TTC27: variants seen among roughly 807,000 people sequenced by gnomAD.
TTC27 encodes the protein tetratricopeptide repeat protein 27.
Under a neutral mutation model 115.9 loss-of-function variants are expected in TTC27, and 79 were observed. That is an observed-to-expected ratio of 0.68 (90% CI 0.57 to 0.82). The LOEUF (loss-of-function observed/expected upper bound fraction) is 0.82. TTC27 is among the 40% of genes least tolerant of loss of function. The pLI, the probability that TTC27 is intolerant of heterozygous loss-of-function variation, is 0.00. For missense variants in TTC27, 1,054 were observed against 993.1 expected (o/e 1.06, Z -0.82); for synonymous variants, 401 against 356.0 (o/e 1.13, Z -1.42).
chr2:32,746,303 G>A (rs138225778), intron 12 of TTC27, among the ~76,000 whole-genome samples: 2,250 of 151,554 alleles, frequency 0.015, 43 homozygotes, highest in African/African-American at 0.045. Context: ...GGCTCACGCC[G>A]GTAATCCCAA....
chr2:32,679,719 G>A (rs1666349606), intron 9 of TTC27, among the ~76,000 whole-genome samples: 1 of 152,128 alleles, frequency 6.6e-6, no homozygotes, highest in African/African-American at 2.4e-5. Context: ...GTGGTTGGGC[G>A]AGGTGGCTCA....
chr2:32,741,273 A>G (rs1036521090), intron 12 of TTC27, among the ~76,000 whole-genome samples: 3 of 152,042 alleles, frequency 2.0e-5, no homozygotes, highest in Non-Finnish European at 4.4e-5. Context: ...CTCCTATGGC[A>G]CCCAAACTAC....
intron 13 of TTC27, among the ~76,000 whole-genome samples, chr2:32,764,417 A>T (rs545287770): frequency 1.3e-3 from 198 of 152,348 alleles, no homozygotes; most frequent in South Asian, 5.0e-3. Flanking sequence ...CAAAAATCAT[A>T]AATACCTTAA....
intron 5 of TTC27, among the ~76,000 whole-genome samples, chr2:32,663,584 G>A (rs1419519134): frequency 6.6e-6 from 1 of 152,128 alleles, no homozygotes; most frequent in Non-Finnish European, 1.5e-5. Context: ...ATTTCGCTGG[G>A]AGCTGGAGAC....
Position 32,644,828 on chromosome 2 carries a change from C to T in TTC27, c.537+4418C>T, listed in dbSNP as rs575482155. Among the ~76,000 whole-genome samples the T allele has an allele frequency of 2.0e-5, 3 of 147,484 alleles. No individual in the cohort carries two copies. In the South Asian group the frequency reaches 6.5e-4, roughly 32 times the overall value. On this transcript the variant is annotated intron_variant, in intron 4 of 19. Transcript: ENST00000317907. ...TTTTCCCTCCCTCCCTCCCTCCCTCCTTTCCTTCGTTCCTTCCTTTCTTCT... is the reference window on the plus strand; with the variant it reads ...TTTTCCCTCCCTCCCTCCCTCCCTCTTTTCCTTCGTTCCTTCCTTTCTTCT...
chr2:32,689,559 A>G (rs1666747636), intron 9 of TTC27, among the ~76,000 whole-genome samples: 1 of 152,178 alleles, frequency 6.6e-6, no homozygotes, highest in Non-Finnish European at 1.5e-5. Context: ...AGCAAAATCA[A>G]GCTAGTTTTC....
At chr2:32,733,805 G>A in intron 10 of TTC27, 23 bp from the exon 11 acceptor site, 1 of 1,476,972 alleles carries the variant, frequency 6.8e-7, no homozygotes, top group Non-Finnish European at 9.4e-7. Flanking sequence ...TATAGATTCT[G>A]ATTGTGATAT....
intron 14 of TTC27, among the ~76,000 whole-genome samples, chr2:32,779,840 G>GTCC (rs34397390): frequency 0.092 from 14,037 of 152,078 alleles, 750 homozygotes; most frequent in Middle Eastern, 0.23. Context: ...TAAGGAAGGG[G>GTCC]TCCAACTTCA....
chr2:32,741,651 A>AAGC (rs1201284007), intron 12 of TTC27, among the ~76,000 whole-genome samples: 1 of 82,054 alleles, frequency 1.2e-5, no homozygotes, highest in East Asian at 4.4e-4. Context: ...GAATCCAATA[A>AAGC]AAAAAACAAA....
At chr2:32,729,837 A>T (rs145711858) in intron 10 of TTC27, among the ~76,000 whole-genome samples, 2 of 152,046 alleles carry the variant, frequency 1.3e-5, no homozygotes, top group Non-Finnish European at 2.9e-5. Flanking sequence ...CATTTTTGAC[A>T]TTATCATCTT....
intron 8 of TTC27, 39 bp from the exon 9 acceptor site, chr2:32,678,817 C>A (rs950135978): frequency 1.4e-6 from 2 of 1,430,516 alleles, no homozygotes; most frequent in Non-Finnish European, 2.0e-6. Flanking sequence ...CTACAACATG[C>A]ATCTTATAAT....
chr2:32,817,874 G>T (rs564875568), intron 19 of TTC27, among the ~76,000 whole-genome samples: 12 of 152,218 alleles, frequency 7.9e-5, no homozygotes, highest in African/African-American at 2.9e-4. Context: ...TGGCCAACAT[G>T]GTGAAACCCC....
At position 32,820,945 on chromosome 2, in the gene TTC27, T is replaced by A. The variant is rs1468122534; in HGVS notation, c.*7T>A. The A allele has an allele frequency of 6.8e-7, 1 of 1,478,778 alleles. No individual in the cohort carries two copies. Among genetic ancestry groups the A allele is most frequent in the Non-Finnish European group, 9.0e-7 (1 of 1,106,298 alleles). 91.6% of individuals were successfully genotyped at this position (1,478,778 alleles called of 1,614,324 possible). ...GTTTCGAAATCAGTATTGATTCTGC[T>A]GGAAGCAGATTCTGGAAAAGGTGCT... is the stretch of plus-strand genomic sequence containing the variant. On this transcript the variant is annotated 3_prime_UTR_variant, in exon 20 of 20. Transcript: ENST00000317907.
intron 10 of TTC27, among the ~76,000 whole-genome samples, chr2:32,710,490 G>C (rs192522396): frequency 6.8e-6 from 1 of 147,572 alleles, no homozygotes; most frequent in Non-Finnish European, 1.5e-5. Context: ...GTGCAGTGGC[G>C]TGATCTCAGC....
chr2:32,707,344 C>T (rs917678244), intron 10 of TTC27, among the ~76,000 whole-genome samples: 1 of 152,150 alleles, frequency 6.6e-6, no homozygotes, highest in Admixed American at 6.5e-5. Context: ...CCTTTTATAA[C>T]AAAGCCACTT....
At chr2:32,678,571 G>A (rs1027999144) in intron 8 of TTC27, among the ~76,000 whole-genome samples, 5 of 152,012 alleles carry the variant, frequency 3.3e-5, no homozygotes, top group Non-Finnish European at 7.4e-5. Context: ...GGGACTACAG[G>A]TACTTGCCAC....
In TTC27 at chr2:32,758,245, A is replaced by G. The variant is rs187681713; in HGVS notation, c.1453-47A>G. 2.2e-4 allele frequency: 334 copies of G among 1,523,884 alleles called. 1 individual carries two copies. The African/African-American group carries it at 4.2e-3, about 19-fold the overall frequency. The allele number at this position is 1,523,884 out of a possible 1,614,324, so 94.4% of individuals were successfully genotyped here. On this transcript the variant is annotated intron_variant, in intron 12 of 19. Coordinates refer to ENST00000317907, the MANE Select transcript of TTC27 (RefSeq NM_017735.5). ...ATGTATATGTGCTAAAAAAAAAAAT[A>G]GCAGTTAATCACTCTTAAGCAATTT...
chr2:32,783,425 GC>G (rs1357652514), intron 15 of TTC27, among the ~76,000 whole-genome samples: 1 of 152,188 alleles, frequency 6.6e-6, no homozygotes, highest in Admixed American at 6.5e-5. Flanking sequence ...GAGATAAGAA[GC>G]AAAATAGTCC....
At chr2:32,760,271 G>C (rs1669390516) in intron 13 of TTC27, among the ~76,000 whole-genome samples, 1 of 152,216 alleles carries the variant, frequency 6.6e-6, no homozygotes, top group Non-Finnish European at 1.5e-5. Context: ...AGAAACTAAT[G>C]GGTGTATTTG....
Sources: allele counts gnomAD v4.1 joint callset (sites outside exome capture counted in the v4.1 genomes callset), GRCh38; gene constraint gnomAD v4.1.1; transcripts MANE v1.5; gene names NCBI Gene and HGNC (gene_info 2026-07-23, HGNC 2026-07-21).